Variants in CSMD3 observed in about 807,000 individuals in gnomAD.
CSMD3 encodes CUB and Sushi multiple domains 3, also known as CUB and sushi domain-containing protein 3.
Under a neutral mutation model 435.2 loss-of-function variants are expected in CSMD3, and 177 were observed. The ratio of observed to expected loss-of-function variants is 0.41; its 90% CI spans 0.36 to 0.46. CSMD3 has a LOEUF of 0.46. Among genes scored for constraint, CSMD3 ranks in the 20% least tolerant of loss-of-function variants. CSMD3 has a pLI of 0.34. For missense variants in CSMD3, 4,265 were observed against 4,504.6 expected, an observed-to-expected ratio of 0.95 and a Z score of 1.52; for synonymous variants, 1,656 against 1,520.5, an observed-to-expected ratio of 1.09 and a Z score of -2.07.
At position 112,800,172 on chromosome 8, in the gene CSMD3, A is replaced by C. The variant is rs754352558; in HGVS notation, c.1962T>G (p.Val654=). 1.0e-5 allele frequency: 16 copies of C among 1,604,122 alleles called. No homozygotes were observed. In the Admixed American group the frequency reaches 2.7e-4, roughly 27 times the overall value. ...DESVGSVGFK[V]NYKEIEKESC... ...GAAATTAATCATTACCTTTGTAGTT[A>C]ACCTTGAAACCAACAGATCCAACAC... Residue 654 remains valine (V), a synonymous_variant, in exon 13 of 71, where the codon GTT becomes GTG. Coordinates refer to ENST00000297405, the MANE Select transcript of CSMD3 (RefSeq NM_198123.2).
chr8:112,809,973 C>T (rs182850121), intron 12 of CSMD3, among the ~76,000 whole-genome samples: 22 of 152,126 alleles, frequency 1.4e-4, no homozygotes, highest in Non-Finnish European at 2.4e-4. Flanking sequence ...ACAATTGAAA[C>T]GCAGATGGTC....
At chr8:113,182,724 C>T (rs920011099) in intron 3 of CSMD3, among the ~76,000 whole-genome samples, 14 of 152,042 alleles carry the variant, frequency 9.2e-5, no homozygotes, top group African/African-American at 3.4e-4. Flanking sequence ...TCCCCTAGGG[C>T]ATTGCCTTTG....
chr8:112,881,066 T>C (rs1430880029), intron 10 of CSMD3, among the ~76,000 whole-genome samples: 1 of 152,102 alleles, frequency 6.6e-6, no homozygotes, highest in Non-Finnish European at 1.5e-5. Context: ...TCATTCAACC[T>C]ACACTATGTA....
intron 8 of CSMD3, among the ~76,000 whole-genome samples, chr8:112,948,404 C>T (rs13249072): frequency 0.3 from 45,321 of 151,868 alleles, 7,089 homozygotes; most frequent in East Asian, 0.39. Flanking sequence ...AATTACTAGG[C>T]ATGCCTTTAA....
In CSMD3 at chr8:112,287,112, T is replaced by C; in HGVS notation, c.9283A>G (p.Thr3095Ala). The C allele has an allele frequency of 6.2e-7, 1 of 1,613,794 alleles. No individual in the cohort carries two copies. The highest frequency in any genetic ancestry group is 1.3e-5 in the African/African-American group (1 of 75,008). ...GTCCAACTGCCATTAGCTAAACATG[T>C]TCTTTCTTCTGAGCCATGAAGGATG... ...GYILHGSEER[T>A]CLANGSWTGR... The change falls in exon 58 of 71, where the codon ACA (threonine) becomes GCA (alanine). Residue 3095 changes from threonine to alanine, a missense_variant. Physicochemically the swap from Thr to Ala is moderately conservative, Grantham distance 58. This residue lies in a region of CSMD3 where 3,255 missense variants were observed against 3,380.2 expected (regional missense o/e 0.96). Coordinates refer to ENST00000297405, the MANE Select transcript of CSMD3 (RefSeq NM_198123.2).
intron 31 of CSMD3, among the ~76,000 whole-genome samples, chr8:112,477,188 T>C (rs1226099577): frequency 1.3e-5 from 2 of 152,248 alleles, no homozygotes; most frequent in East Asian, 1.9e-4. Flanking sequence ...AATAAATCCA[T>C]ATAAGCCTAT....
rs1310435234 is a variant in CSMD3, at chr8:112,337,742, G to A, written c.6653-11C>T. ...TTTGCAACTGATAGGCTGGAAAGAG[G>A]AAAAAGAAAGACATTTTTTCTTTCC... On this transcript the variant is annotated splice_polypyrimidine_tract_variant and intron_variant, in intron 42 of 70. Coordinates refer to ENST00000297405, the MANE Select transcript of CSMD3 (RefSeq NM_198123.2). The A allele has an allele frequency of 6.3e-7, 1 of 1,599,926 alleles. No individual in the cohort carries two copies. The highest frequency in any genetic ancestry group is 1.3e-5 in the African/African-American group (1 of 74,148).
At chr8:112,905,205 C>G (rs527810597) in intron 10 of CSMD3, among the ~76,000 whole-genome samples, 87 of 151,260 alleles carry the variant, frequency 5.8e-4, no homozygotes, top group African/African-American at 1.9e-3. Context: ...TCAATTACCT[C>G]TATCATAGTT....
chr8:112,434,440 T>C (rs1043928213), intron 32 of CSMD3, among the ~76,000 whole-genome samples: 3 of 152,124 alleles, frequency 2.0e-5, no homozygotes, highest in Non-Finnish European at 4.4e-5. Context: ...GCAAAGCATC[T>C]TCCTTTAACT....
At chr8:112,960,728 C>A (rs193282079) in intron 7 of CSMD3, among the ~76,000 whole-genome samples, 1 of 151,508 alleles carries the variant, frequency 6.6e-6, no homozygotes, top group African/African-American at 2.4e-5. Context: ...CAGAAAAATT[C>A]ATTGGTAGAG....
At chr8:113,156,060 A>C (rs2091922460) in intron 4 of CSMD3, among the ~76,000 whole-genome samples, 1 of 152,036 alleles carries the variant, frequency 6.6e-6, no homozygotes, top group African/African-American at 2.4e-5. Context: ...TCCATCATTA[A>C]GTACTTTACA....
intron 10 of CSMD3, among the ~76,000 whole-genome samples, chr8:112,860,720 C>G (rs2080803566): frequency 6.6e-6 from 1 of 151,560 alleles, no homozygotes. Flanking sequence ...CTCTGCCTTC[C>G]CTTACATAGT....
At chr8:112,733,757 G>C (rs1006647218) in intron 13 of CSMD3, among the ~76,000 whole-genome samples, 8 of 151,908 alleles carry the variant, frequency 5.3e-5, no homozygotes. Flanking sequence ...AAAGGAAGAG[G>C]ACTGACTTTA....
chr8:112,835,036 A>G (rs2079981468), intron 11 of CSMD3, among the ~76,000 whole-genome samples: 1 of 151,836 alleles, frequency 6.6e-6, no homozygotes, highest in Non-Finnish European at 1.5e-5. Flanking sequence ...GGTAATTCCA[A>G]CTGGATTGCT....
rs373499233 is a variant in CSMD3, at chr8:112,654,529, G to T, written c.3004+1625C>A. Among the ~76,000 whole-genome samples the T allele has an allele frequency of 1.8e-4, 27 of 152,264 alleles. 1 individual carries two copies. The South Asian group carries it at 5.6e-3, about 32-fold the overall frequency. The stretch of plus-strand genomic sequence containing the variant: ...CTCAGCTTCCACTTTGCCTTTTAAG[G>T]CACTAGCCCTCGAAAATAACTTGGA... On this transcript the variant is annotated intron_variant, in intron 18 of 70. Coordinates refer to ENST00000297405, the MANE Select transcript of CSMD3 (RefSeq NM_198123.2).
rs556858362 is a variant in CSMD3, at chr8:112,483,651, C to G, written c.5278+8838G>C. 6.4e-4 allele frequency among the ~76,000 whole-genome samples: 97 copies of G among 152,172 alleles called. No homozygotes were observed. In the South Asian group the frequency reaches 0.02, roughly 32 times the overall value. The stretch of plus-strand genomic sequence containing the variant: ...TAGGAAAATGAATTAGGGAACTGCC[C>G]TGATCTACTCCAGAATCTTCTGCTG... On this transcript the variant is annotated intron_variant, in intron 31 of 70. Coordinates refer to ENST00000297405, the MANE Select transcript of CSMD3 (RefSeq NM_198123.2).
intron 53 of CSMD3, among the ~76,000 whole-genome samples, chr8:112,299,869 A>T (rs1393343356): frequency 6.6e-6 from 1 of 151,902 alleles, no homozygotes; most frequent in Non-Finnish European, 1.5e-5. Flanking sequence ...TTGTCTCCTT[A>T]GACTAAGAGG....
At chr8:112,890,626 A>G (rs1248023192) in intron 10 of CSMD3, among the ~76,000 whole-genome samples, 1 of 151,664 alleles carries the variant, frequency 6.6e-6, no homozygotes, top group Non-Finnish European at 1.5e-5. Context: ...CCCTCTTTCA[A>G]ACTTCTGTCA....
intron 1 of CSMD3, among the ~76,000 whole-genome samples, chr8:113,346,908 T>C (rs1424012677): frequency 6.6e-6 from 1 of 152,050 alleles, no homozygotes; most frequent in East Asian, 1.9e-4. Context: ...TGGAGTCTGA[T>C]ATTTAAACTT....
Sources: allele counts gnomAD v4.1 joint callset (sites outside exome capture counted in the v4.1 genomes callset), GRCh38; gene constraint gnomAD v4.1.1; regional missense constraint gnomAD v4.1.1; transcripts MANE v1.5; gene names NCBI Gene and HGNC (gene_info 2026-07-23, HGNC 2026-07-21).